HSF1: variants seen among roughly 807,000 people sequenced by gnomAD.
HSF1 encodes the protein heat shock transcription factor 1.
Under a neutral mutation model 51.7 loss-of-function variants are expected in HSF1, and 32 were observed. The ratio of observed to expected loss-of-function variants is 0.62; its 90% CI spans 0.47 to 0.83. The LOEUF is 0.83. HSF1 is among the 40% of genes least tolerant of loss of function. The probability of loss-of-function intolerance (pLI) is 0.00; values close to 1 mark genes in which losing one functional copy is unlikely to be tolerated. For missense variants in HSF1, 727 were observed against 717.0 expected (o/e 1.01, Z -0.16); for synonymous variants, 396 against 309.7 (o/e 1.28, Z -2.92).
chr8:144,305,876 G>T (rs1452667177), intron 1 of HSF1, among the ~76,000 whole-genome samples: 1 of 151,854 alleles, frequency 6.6e-6, no homozygotes, highest in Non-Finnish European at 1.5e-5. Context: ...GGGATTACAG[G>T]CATGAGCCAC....
At chr8:144,311,883 C>T in intron 8 of HSF1, 47 bp downstream of exon 8, 2 of 1,583,604 alleles carry the variant, frequency 1.3e-6, no homozygotes, top group Non-Finnish European at 1.7e-6. Flanking sequence ...ATGAGGCGAG[C>T]CCCTGTGGGC....
At chr8:144,305,694 T>C (rs1245029730) in intron 1 of HSF1, among the ~76,000 whole-genome samples, 1 of 151,112 alleles carries the variant, frequency 6.6e-6, no homozygotes, top group African/African-American at 2.4e-5. Flanking sequence ...CTTCTCCTAG[T>C]CAGGTCTGCT....
At chr8:144,308,355 T>C (rs1415189581) in intron 1 of HSF1, among the ~76,000 whole-genome samples, 1 of 152,212 alleles carries the variant, frequency 6.6e-6, no homozygotes, top group Non-Finnish European at 1.5e-5. Flanking sequence ...GAGGAAGGTA[T>C]ATGCAGTGTT....
chr8:144,294,958 G>A (rs1333130823), intron 1 of HSF1, among the ~76,000 whole-genome samples: 1 of 152,204 alleles, frequency 6.6e-6, no homozygotes, highest in Non-Finnish European at 1.5e-5. Flanking sequence ...CTTCTCAACA[G>A]CTTCTCCCAA....
At chr8:144,300,052 T>G (rs1271129762) in intron 1 of HSF1, among the ~76,000 whole-genome samples, 2 of 152,158 alleles carry the variant, frequency 1.3e-5, no homozygotes, top group African/African-American at 4.8e-5. Context: ...GATGCTTAAC[T>G]CCTCACTCCA....
At chr8:144,309,634 A>G in intron 3 of HSF1, 43 bp downstream of exon 3, 4 of 1,608,266 alleles carry the variant, frequency 2.5e-6, no homozygotes, top group Non-Finnish European at 3.4e-6. Flanking sequence ...CACCTGCCAC[A>G]GCTCTCCCCG....
rs143898779 is a variant in HSF1 at position 144,312,062 on chromosome 8, C to G, written c.960C>G (p.Ser320=). Residue 320 remains serine, a synonymous_variant, in exon 9 of 13, where the codon TCC becomes TCG. Transcript: ENST00000528838. ...AGGCGAGTCCCGGGCGCCCATCTTC[C>G]GTGGACACCCTCTTGTCCCCGACCG... The part of the protein sequence containing the change: ...VEEASPGRPS[S]VDTLLSPTAL... 1.9e-6 allele frequency: 3 copies of G among 1,612,332 alleles called. No individual in the cohort carries two copies. Among genetic ancestry groups the G allele is most frequent in the Non-Finnish European group, 2.5e-6 (3 of 1,179,774 alleles).
rs965388312 is a variant in HSF1, at chr8:144,313,549, A to G, written c.1181A>G (p.Asn394Ser). Residue 394 changes from asparagine (N) to serine (S), a missense_variant, in exon 10 of 13, where the codon AAC (asparagine) becomes AGC (serine). Physicochemically the swap from Asn to Ser is conservative, Grantham distance 46 (BLOSUM62 1). Transcript: ENST00000528838. Reference sequence around the variant, plus strand: ...GACCACTTGGATGCTATGGACTCCAACCTGGATAACCTGCAGACCATGCTG... The same window carrying G: ...GACCACTTGGATGCTATGGACTCCAGCCTGGATAACCTGCAGACCATGCTG... ...LSDHLDAMDS[N>S]LDNLQTMLSS... The G allele has an allele frequency of 3.1e-6, 5 of 1,612,010 alleles. No individual in the cohort carries two copies. Among genetic ancestry groups the G allele is most frequent in the Non-Finnish European group, 3.4e-6 (4 of 1,179,322 alleles).
chr8:144,308,811 G>A, intron 1 of HSF1, 95 bp from the exon 2 acceptor site: 1 of 998,646 alleles, frequency 1.0e-6, no homozygotes, highest in East Asian at 2.4e-5. Flanking sequence ...AACGTGCACT[G>A]CCTGCGTTTC....
chr8:144,306,200 T>C (rs915172520), intron 1 of HSF1, among the ~76,000 whole-genome samples: 8 of 152,212 alleles, frequency 5.3e-5, no homozygotes, highest in Non-Finnish European at 5.9e-5. Flanking sequence ...ATATTTGAAA[T>C]GATTGACTTA....
chr8:144,303,141 T>C (rs1816008619), intron 1 of HSF1, among the ~76,000 whole-genome samples: 1 of 151,868 alleles, frequency 6.6e-6, no homozygotes, highest in African/African-American at 2.4e-5. Flanking sequence ...CCACTGGGGG[T>C]CCTTTATGAT....
chr8:144,302,713 G>A (rs982924643), intron 1 of HSF1, among the ~76,000 whole-genome samples: 11 of 149,352 alleles, frequency 7.4e-5, no homozygotes, highest in African/African-American at 1.2e-4. Context: ...GCCCAGCTAC[G>A]CGGGAGGCTG....
intron 1 of HSF1, among the ~76,000 whole-genome samples, chr8:144,293,231 A>G (rs1432792054): frequency 1.3e-5 from 2 of 152,154 alleles, no homozygotes; most frequent in Non-Finnish European, 2.9e-5. Flanking sequence ...AAATAAAGAG[A>G]AGACTGGAAA....
At position 144,313,554 on chromosome 8, in the gene HSF1, G is replaced by T; in HGVS notation, c.1186G>T (p.Asp396Tyr). 1 of 1,612,238 alleles carries T rather than the reference G, an allele frequency of 6.2e-7. No individual in the cohort carries two copies. Among genetic ancestry groups the T allele is most frequent in the Non-Finnish European group, 8.5e-7 (1 of 1,179,458 alleles). Residue 396 changes from aspartate (D) to tyrosine (Y), a missense_variant, in exon 10 of 13, where the codon GAT (aspartate) becomes TAT (tyrosine). Transcript: ENST00000528838. ...CTTGGATGCTATGGACTCCAACCTG[G>T]ATAACCTGCAGACCATGCTGAGCAG... is the stretch of plus-strand genomic sequence containing the variant. ...DHLDAMDSNL[D>Y]NLQTMLSSHG...
chr8:144,311,067 C>A, intron 4 of HSF1, 107 bp from the exon 5 acceptor site: 2 of 1,066,506 alleles, frequency 1.9e-6, no homozygotes, highest in South Asian at 1.5e-5. Context: ...CAGACATGGT[C>A]ACACTTACCC....
chr8:144,313,546 C>G lies in HSF1; in HGVS notation c.1178C>G (p.Ser393Cys), dbSNP rs1816838196. ...ELSDHLDAMD[S>C]NLDNLQTMLS... Reference sequence around the variant, plus strand: ...AGTGACCACTTGGATGCTATGGACTCCAACCTGGATAACCTGCAGACCATG... The same window carrying G: ...AGTGACCACTTGGATGCTATGGACTGCAACCTGGATAACCTGCAGACCATG... The change falls in exon 10 of 13, where the codon TCC (serine) becomes TGC (cysteine). Residue 393 changes from serine to cysteine, a missense_variant. By Grantham distance (112) the Ser-to-Cys change is moderately radical. Around this residue, in one of 2 missense-constraint regions of HSF1, gnomAD observed 470 missense variants for 398.8 expected, o/e 1.18. Coordinates refer to ENST00000528838, the MANE Select transcript of HSF1 (RefSeq NM_005526.4). 3 of 1,612,148 alleles carry G rather than the reference C, an allele frequency of 1.9e-6. No homozygotes were observed. The highest frequency in any genetic ancestry group is 1.7e-5 in the Admixed American group (1 of 59,968).
intron 1 of HSF1, among the ~76,000 whole-genome samples, chr8:144,296,932 G>C (rs1815507206): frequency 6.6e-6 from 1 of 151,990 alleles, no homozygotes; most frequent in Non-Finnish European, 1.5e-5. Flanking sequence ...TGTGGTGGGG[G>C]GGGTGCGGTG....
chr8:144,303,853 G>A (rs1816049040), intron 1 of HSF1, among the ~76,000 whole-genome samples: 1 of 152,204 alleles, frequency 6.6e-6, no homozygotes. Context: ...ACTCCAGCCT[G>A]GGCGACAGCG....
rs557027410 is a variant in HSF1, at chr8:144,307,287, G to A, written c.118-1619G>A. The stretch of plus-strand genomic sequence containing the variant: ...CAAATCAGAGACAGCCTTGGGAGTG[G>A]ACTCTTAGGTCAGATGCTGACAGTC... On this transcript the variant is annotated intron_variant, in intron 1 of 12. Transcript: ENST00000528838. Among the ~76,000 whole-genome samples the A allele has an allele frequency of 3.2e-4, 49 of 152,344 alleles. No homozygotes were observed. The South Asian group carries it at 9.5e-3, about 30-fold the overall frequency.
Sources: gnomAD v4.1 joint callset for allele counts (sites outside exome capture counted in the v4.1 genomes callset) on GRCh38, gnomAD v4.1.1 for gene constraint, gnomAD v4.1.1 regional missense constraint, MANE v1.5 for transcripts, NCBI Gene and HGNC (gene_info 2026-07-23, HGNC 2026-07-21) for gene names.